Variants in SRGAP1 observed in about 807,000 individuals in gnomAD.
The protein encoded by SRGAP1 is SLIT-ROBO Rho GTPase-activating protein 1.
A neutral mutation model predicts 121.9 loss-of-function variants in SRGAP1; 43 were observed. That is an observed-to-expected ratio of 0.35 (90% CI 0.28 to 0.46). SRGAP1 has a LOEUF of 0.46. SRGAP1 is among the 20% of genes least tolerant of loss of function. SRGAP1 has a pLI of 1.00. For synonymous variants in SRGAP1, 447 were observed against 485.4 expected (o/e 0.92, Z 1.04); for missense variants, 1,102 against 1,350.9 (o/e 0.82, Z 2.89).
chr12:64,022,842 TA>T (rs2034577944), intron 4 of SRGAP1, among the ~76,000 whole-genome samples: 1 of 152,096 alleles, frequency 6.6e-6, no homozygotes, highest in Admixed American at 6.5e-5. Context: ...TAGCTGTGAA[TA>T]AAAACAGACC....
At chr12:64,101,516 T>C (rs1312387780) in intron 15 of SRGAP1, among the ~76,000 whole-genome samples, 2 of 152,214 alleles carry the variant, frequency 1.3e-5, no homozygotes, top group African/African-American at 4.8e-5. Flanking sequence ...TTAAAGATTA[T>C]TTATCTGGAT....
At chr12:64,088,770 T>G (rs1295249535) in intron 11 of SRGAP1, among the ~76,000 whole-genome samples, 3 of 152,186 alleles carry the variant, frequency 2.0e-5, no homozygotes, top group Non-Finnish European at 4.4e-5. Context: ...TTCAGGCCTT[T>G]CATAGAAGAC....
At chr12:63,996,737 G>A (rs1446147317) in intron 3 of SRGAP1, among the ~76,000 whole-genome samples, 14 of 152,002 alleles carry the variant, frequency 9.2e-5, no homozygotes, top group Non-Finnish European at 4.4e-5. Flanking sequence ...TATTCTGGTG[G>A]CCTCAAGGGG....
intron 1 of SRGAP1, among the ~76,000 whole-genome samples, chr12:63,893,656 A>C (rs1900658411): frequency 6.6e-6 from 1 of 152,154 alleles, no homozygotes; most frequent in East Asian, 1.9e-4. Context: ...TGACTTGCCC[A>C]AAGTCCCTCT....
In SRGAP1 at chr12:64,150,732, T is replaced by A. The variant is rs2136664083; in HGVS notation, c.*8060T>A. 2.1e-5 allele frequency: 1 copy of A among 48,684 alleles called. No homozygotes were observed. The highest frequency in any genetic ancestry group is 4.5e-5 in the African/African-American group (1 of 22,130). The allele number at this position is 48,684 out of a possible 1,614,324, so 3.0% of individuals were successfully genotyped here. ...GCAGGAGGATCAAAAAATGCGAATT[T>A]TTATATTTTTTTGTGAGATCCCATC... On this transcript the variant is annotated 3_prime_UTR_variant, in exon 22 of 22. Transcript: ENST00000355086.
At chr12:63,949,709 G>A (rs1359191029) in intron 1 of SRGAP1, among the ~76,000 whole-genome samples, 1 of 152,042 alleles carries the variant, frequency 6.6e-6, no homozygotes, top group Non-Finnish European at 1.5e-5. Flanking sequence ...TTATTTTTAA[G>A]GATACAACGT....
intron 1 of SRGAP1, among the ~76,000 whole-genome samples, chr12:63,981,863 G>A (rs1330074281): frequency 1.3e-5 from 2 of 152,118 alleles, no homozygotes; most frequent in Admixed American, 6.5e-5. Flanking sequence ...CTTCTTTGCC[G>A]GTATGCAAGC....
At chr12:64,001,054 A>G (rs1221175726) in intron 3 of SRGAP1, among the ~76,000 whole-genome samples, 1 of 152,224 alleles carries the variant, frequency 6.6e-6, no homozygotes, top group Non-Finnish European at 1.5e-5. Context: ...CTGAAAAGAC[A>G]CACATACACA....
intron 1 of SRGAP1, among the ~76,000 whole-genome samples, chr12:63,855,654 A>C (rs1899225809): frequency 6.6e-6 from 1 of 151,170 alleles, no homozygotes; most frequent in Non-Finnish European, 1.5e-5. Context: ...CACCCGGCTG[A>C]TTTTTGTATT....
intron 18 of SRGAP1, among the ~76,000 whole-genome samples, chr12:64,117,723 G>A (rs1057196797): frequency 6.6e-6 from 1 of 152,118 alleles, no homozygotes; most frequent in Non-Finnish European, 1.5e-5. Flanking sequence ...TTGCTTGACT[G>A]AAACTTTATT....
At chr12:63,928,201 C>G (rs938262205) in intron 1 of SRGAP1, among the ~76,000 whole-genome samples, 2 of 152,186 alleles carry the variant, frequency 1.3e-5, no homozygotes, top group African/African-American at 4.8e-5. Context: ...TCCTAAAAGT[C>G]ACTCTGGGTA....
At chr12:64,063,646 T>C (rs1461131577) in intron 7 of SRGAP1, among the ~76,000 whole-genome samples, 2 of 146,654 alleles carry the variant, frequency 1.4e-5, no homozygotes, top group Admixed American at 7.0e-5. Flanking sequence ...CAGCTTTCTA[T>C]GTTATTTTAC....
intron 14 of SRGAP1, 65 bp from the exon 15 acceptor site, chr12:64,097,176 A>T (rs2136594006): frequency 6.7e-7 from 1 of 1,497,520 alleles, no homozygotes; most frequent in Non-Finnish European, 8.9e-7. Flanking sequence ...ATGTTCATAG[A>T]AATATATTTT....
rs116341445 is a variant in SRGAP1, at chr12:64,127,000, G to A, written c.2406-590G>A. On this transcript the variant is annotated intron_variant, in intron 19 of 21. Coordinates refer to ENST00000355086, the MANE Select transcript of SRGAP1 (RefSeq NM_020762.4). ...TCTATGTTTAGATATGTTTAGATACGCAAATACTTGTTTACACCATTGTGT... is the reference window on the plus strand; with the variant it reads ...TCTATGTTTAGATATGTTTAGATACACAAATACTTGTTTACACCATTGTGT... 1.5e-3 allele frequency among the ~76,000 whole-genome samples: 226 copies of A among 152,206 alleles called. 1 individual carries two copies. Among genetic ancestry groups the A allele is most frequent in the African/African-American group, 5.2e-3 (217 of 41,516 alleles).
chr12:64,119,010 T>C (rs568306623), intron 18 of SRGAP1, among the ~76,000 whole-genome samples: 1 of 152,288 alleles, frequency 6.6e-6, no homozygotes, highest in South Asian at 2.1e-4. Flanking sequence ...TCCAGCCCCA[T>C]ATATTCTTTT....
chr12:64,114,834 G>C (rs1449429355), intron 17 of SRGAP1, among the ~76,000 whole-genome samples: 1 of 152,170 alleles, frequency 6.6e-6, no homozygotes. Context: ...ACGTGTGCTC[G>C]ATGGTGTCTA....
chr12:63,857,363 G>A (rs1415428825), intron 1 of SRGAP1, among the ~76,000 whole-genome samples: 2 of 149,232 alleles, frequency 1.3e-5, no homozygotes, highest in Non-Finnish European at 1.5e-5. Context: ...ACAGGTGTGA[G>A]CCACCACACC....
intron 3 of SRGAP1, among the ~76,000 whole-genome samples, chr12:64,014,870 G>A (rs1347640463): frequency 1.3e-5 from 2 of 152,124 alleles, no homozygotes; most frequent in Non-Finnish European, 2.9e-5. Flanking sequence ...AGGCTGGAGT[G>A]CAGTGCTGTG....
chr12:64,074,007 C>A (rs2136554299), intron 8 of SRGAP1, among the ~76,000 whole-genome samples: 1 of 152,254 alleles, frequency 6.6e-6, no homozygotes, highest in Non-Finnish European at 1.5e-5. Flanking sequence ...TCACTGATAT[C>A]TGAAGAACAT....
Sources: gnomAD v4.1 joint callset for allele counts (sites outside exome capture counted in the v4.1 genomes callset) on GRCh38, gnomAD v4.1.1 for gene constraint, MANE v1.5 for transcripts, NCBI Gene and HGNC (gene_info 2026-07-23, HGNC 2026-07-21) for gene names.